The following EXOC7 variants were observed in gnomAD, a reference collection of about 807,000 sequenced individuals.
EXOC7 encodes the protein exocyst complex component Exo70.
Under a neutral mutation model 87.6 loss-of-function variants are expected in EXOC7, and 51 were observed. The ratio of observed to expected loss-of-function variants is 0.58; its 90% CI spans 0.46 to 0.73. EXOC7 has a LOEUF of 0.73. EXOC7 is among the 30% of genes least tolerant of loss of function. The probability of loss-of-function intolerance (pLI) is 0.00; values close to 1 mark genes in which losing one functional copy is unlikely to be tolerated. For missense variants in EXOC7, 744 were observed against 888.4 expected, an observed-to-expected ratio of 0.84 and a Z score of 2.07; for synonymous variants, 327 against 357.1, an observed-to-expected ratio of 0.92 and a Z score of 0.95.
chr17:76,097,223 T>C (rs79201238), intron 5 of EXOC7, among the ~76,000 whole-genome samples: 2,455 of 152,226 alleles, frequency 0.016, 59 homozygotes, highest in African/African-American at 0.055. Context: ...CTTTTACTTT[T>C]CACCCATGGC....
In EXOC7 at chr17:76,089,433, G is replaced by A. The variant is rs1366547786; in HGVS notation, c.902-113C>T. The A allele has an allele frequency of 4.4e-6, 6 of 1,356,620 alleles. No individual in the cohort carries two copies. The East Asian group carries it at 1.5e-4, about 33-fold the overall frequency. 84.0% of individuals were successfully genotyped at this position (1,356,620 alleles called of 1,614,324 possible). On this transcript the variant is annotated intron_variant, in intron 7 of 18. Transcript: ENST00000589210. The stretch of plus-strand genomic sequence containing the variant: ...TGTACCCCACACTGGCAGAGGATGG[G>A]GAAGAGGCTGACTGTTCTGGCAGAA...
At chr17:76,088,368 C>T (rs2246623) in intron 10 of EXOC7, 96 bp downstream of exon 10, 578,148 of 1,249,214 alleles carry the variant, frequency 0.46, 139,498 homozygotes, top group South Asian at 0.65. Context: ...CCCGGGACAA[C>T]GCACCCTCTT....
chr17:76,097,747 A>G, intron 5 of EXOC7, 49 bp downstream of exon 5: 4 of 1,260,536 alleles, frequency 3.2e-6, no homozygotes, highest in Non-Finnish European at 4.5e-6. Flanking sequence ...AAGGGGAGAA[A>G]ACTCCCTCTG....
chr17:76,088,399 C>A, intron 10 of EXOC7, 65 bp downstream of exon 10: 1 of 1,506,960 alleles, frequency 6.6e-7, no homozygotes, highest in Non-Finnish European at 9.1e-7. Flanking sequence ...TCTGAGAGTC[C>A]CCCAGGGCCA....
chr17:76,091,678 AG>A (rs1285571763), intron 6 of EXOC7: 13 of 171,516 alleles, frequency 7.6e-5, no homozygotes, highest in African/African-American at 2.9e-4. Context: ...CCCAAACTCC[AG>A]GCAGAGTTCT....
Position 76,086,129 on chromosome 17 carries a change from G to A in EXOC7, c.1446C>T (p.Ala482=), listed in dbSNP as rs1245412674. The A allele has an allele frequency of 2.5e-6, 4 of 1,613,726 alleles. No homozygotes were observed. The highest frequency in any genetic ancestry group is 2.7e-5 in the African/African-American group (2 of 74,956). ...MLASQETSSS[A]TSYSSEFSKR... is the part of the protein sequence containing the mutation. ...TGCTGAACTCAGAGCTGTAGCTGGT[G>A]GCCGAAGAGCTGGTCTCTGTGAGAG... The change falls in exon 13 of 19, where the codon GCC becomes GCT. Residue 482 remains alanine, a synonymous_variant. Coordinates refer to ENST00000589210, the MANE Select transcript of EXOC7 (RefSeq NM_001013839.4).
chr17:76,097,402 G>A (rs2067815324), intron 5 of EXOC7, among the ~76,000 whole-genome samples: 1 of 152,006 alleles, frequency 6.6e-6, no homozygotes, highest in Non-Finnish European at 1.5e-5. Flanking sequence ...ACCATGACAG[G>A]TGGATTAAAG....
chr17:76,101,981 G>T (rs2068085482), intron 2 of EXOC7, 118 bp from the exon 3 acceptor site: 3 of 765,866 alleles, frequency 3.9e-6, no homozygotes, highest in Admixed American at 2.9e-5. Context: ...AACTCCACAA[G>T]CGAAGGAACA....
chr17:76,098,002 C>T lies in EXOC7; in HGVS notation c.434G>A (p.Arg145His), dbSNP rs548920286. 1.3e-5 allele frequency: 21 copies of T among 1,614,032 alleles called. No homozygotes were observed. The highest frequency in any genetic ancestry group is 1.7e-5 in the Admixed American group (1 of 59,998). ...ELNKVKLLFE[R>H]GKEALESEFR... The stretch of plus-strand genomic sequence containing the variant: ...TTCGGACTCCAGGGCCTCCTTCCCG[C>T]GCTCAAAGAGCAGTTTCTGCACAGA... Residue 145 changes from arginine (R) to histidine (H), a missense_variant, in exon 5 of 19, where the codon CGC (arginine) becomes CAC (histidine). Around this residue, in one of 3 missense-constraint regions of EXOC7, gnomAD observed 512 missense variants for 573.0 expected, o/e 0.89. Transcript: ENST00000589210.
intron 4 of EXOC7, among the ~76,000 whole-genome samples, chr17:76,100,567 A>T (rs1159329164): frequency 1.3e-5 from 2 of 151,788 alleles, no homozygotes; most frequent in Admixed American, 1.3e-4. Flanking sequence ...TCGGAGGCAG[A>T]GGTTGCAGTG....
chr17:76,089,439 G>A, intron 7 of EXOC7, 119 bp from the exon 8 acceptor site: 1 of 1,313,232 alleles, frequency 7.6e-7, no homozygotes, highest in Non-Finnish European at 1.0e-6. Context: ...ATGGGGAAGA[G>A]GCTGACTGTT....
intron 4 of EXOC7, among the ~76,000 whole-genome samples, chr17:76,098,722 C>T (rs867604901): frequency 8.6e-5 from 13 of 151,076 alleles, no homozygotes; most frequent in Admixed American, 2.0e-4. Context: ...AAAAATTAGC[C>T]GGGCGTGGTG....
intron 7 of EXOC7, chr17:76,090,456 G>A (rs1375715852): frequency 3.9e-6 from 6 of 1,551,504 alleles, no homozygotes; most frequent in Middle Eastern, 1.7e-4. Context: ...CAGGCAGGCC[G>A]CCCCTTGGGG....
chr17:76,096,409 G>C (rs1320269532), intron 5 of EXOC7, among the ~76,000 whole-genome samples: 1 of 151,438 alleles, frequency 6.6e-6, no homozygotes. Context: ...CAGCTACTTG[G>C]GAGGCTGAGG....
chr17:76,090,204 G>A, intron 7 of EXOC7: 1 of 1,065,574 alleles, frequency 9.4e-7, no homozygotes, highest in Non-Finnish European at 1.3e-6. Context: ...GGAGAGAGAG[G>A]CGCATAGGCC....
chr17:76,088,208 G>A (rs1478077541), intron 10 of EXOC7, 86 bp from the exon 11 acceptor site: 3 of 1,386,400 alleles, frequency 2.2e-6, no homozygotes, highest in Non-Finnish European at 3.0e-6. Context: ...CCGCCTCCTG[G>A]CAGACGGGTG....
intron 6 of EXOC7, chr17:76,092,415 C>T (rs962430562): frequency 6.6e-6 from 1 of 152,004 alleles, no homozygotes; most frequent in African/African-American, 2.4e-5. Flanking sequence ...CTGCCTCAGC[C>T]TCCCAGGTAG....
At chr17:76,085,602 G>C (rs569461919) in intron 14 of EXOC7, 75 bp downstream of exon 14, 38 of 1,608,422 alleles carry the variant, frequency 2.4e-5, no homozygotes, top group African/African-American at 2.3e-4. Context: ...AGGAGCCCAG[G>C]GGGGCAGGGG....
chr17:76,088,963 G>A (rs2067343561), intron 8 of EXOC7, 40 bp from the exon 9 acceptor site: 1 of 1,598,314 alleles, frequency 6.3e-7, no homozygotes, highest in Non-Finnish European at 8.5e-7. Context: ...GGGTGGGGCG[G>A]TGGGAGCTAG....
Sources: allele counts gnomAD v4.1 joint callset (sites outside exome capture counted in the v4.1 genomes callset), GRCh38; gene constraint gnomAD v4.1.1; regional missense constraint gnomAD v4.1.1; transcripts MANE v1.5; gene names NCBI Gene and HGNC (gene_info 2026-07-23, HGNC 2026-07-21).